The following CDH13 variants were observed in gnomAD, a reference collection of about 807,000 sequenced individuals.
CDH13 encodes the protein cadherin 13, also known as cadherin-13.
In CDH13, 24 loss-of-function variants were observed where a neutral mutation model predicts 63.8. The observed-to-expected ratio is 0.38, with a 90% CI of 0.27 to 0.53. The LOEUF is 0.53. Ranked by LOEUF, CDH13 falls within the 20% of genes least tolerant of loss-of-function variation. The pLI, the probability that CDH13 is intolerant of heterozygous loss-of-function variation, is 0.85. For missense variants in CDH13, 1,049 were observed against 903.1 expected (o/e 1.16, Z -2.07); for synonymous variants, 503 against 355.3 (o/e 1.42, Z -4.67).
At chr16:83,406,417 T>TCCG (rs2092046046) in intron 6 of CDH13, among the ~76,000 whole-genome samples, 1 of 144,280 alleles carries the variant, frequency 6.9e-6, no homozygotes, top group African/African-American at 2.6e-5. Context: ...TCTCTTTCTT[T>TCCG]CCCCCCCCGC....
At chr16:82,816,403 A>G (rs2037711952) in intron 1 of CDH13, among the ~76,000 whole-genome samples, 3 of 152,184 alleles carry the variant, frequency 2.0e-5, no homozygotes, top group African/African-American at 7.2e-5. Context: ...AGAGAGGAAA[A>G]TAAGTAAAAT....
intron 10 of CDH13, among the ~76,000 whole-genome samples, chr16:83,693,290 G>C (rs1905077274): frequency 6.6e-6 from 1 of 152,150 alleles, no homozygotes; most frequent in Admixed American, 6.5e-5. Context: ...GATGGATACA[G>C]AATAAAAGAA....
intron 7 of CDH13, among the ~76,000 whole-genome samples, chr16:83,492,414 C>A (rs1418600935): frequency 3.9e-5 from 6 of 152,104 alleles, no homozygotes; most frequent in Non-Finnish European, 4.4e-5. Flanking sequence ...TGGGTGGGAC[C>A]AGAATGATTC....
intron 2 of CDH13, among the ~76,000 whole-genome samples, chr16:82,900,449 A>G (rs1017105750): frequency 2.6e-5 from 4 of 152,198 alleles, no homozygotes; most frequent in Non-Finnish European, 5.9e-5. Context: ...CAGACAAGAC[A>G]GAAAGGAAAT....
chr16:83,332,287 C>T lies in CDH13; in HGVS notation c.637-12575C>T, dbSNP rs111563976. The stretch of plus-strand genomic sequence containing the variant: ...GAGCTCTAATGGTGGCTTAGAAGGG[C>T]CTTCTCCCCTGTATTACTTAAATAT... On this transcript the variant is annotated intron_variant, in intron 5 of 13. Coordinates refer to ENST00000567109, the MANE Select transcript of CDH13 (RefSeq NM_001257.5). Among the ~76,000 whole-genome samples, 5 of 152,080 alleles carry T rather than the reference C, an allele frequency of 3.3e-5. No individual in the cohort carries two copies. In the East Asian group the frequency reaches 9.6e-4, roughly 29 times the overall value.
intron 1 of CDH13, among the ~76,000 whole-genome samples, chr16:82,855,598 G>T (rs1214998344): frequency 6.6e-6 from 1 of 152,180 alleles, no homozygotes; most frequent in Non-Finnish European, 1.5e-5. Flanking sequence ...TCCTGTGTAT[G>T]TGCCACTTGG....
chr16:82,903,973 C>T (rs980904743), intron 2 of CDH13, among the ~76,000 whole-genome samples: 1 of 152,120 alleles, frequency 6.6e-6, no homozygotes. Flanking sequence ...TTTCTCTCTC[C>T]CTATTCTTCT....
intron 2 of CDH13, among the ~76,000 whole-genome samples, chr16:82,910,065 C>A (rs1296290283): frequency 1.3e-5 from 2 of 152,146 alleles, no homozygotes; most frequent in African/African-American, 4.8e-5. Flanking sequence ...CCAAAGTATA[C>A]AATTGCCGGT....
At chr16:83,682,921 C>T (rs1915523963) in intron 10 of CDH13, among the ~76,000 whole-genome samples, 1 of 152,190 alleles carries the variant, frequency 6.6e-6, no homozygotes, top group Non-Finnish European at 1.5e-5. Flanking sequence ...CATGGGAAGC[C>T]TTCTCCCCAA....
At chr16:82,973,170 C>G (rs1302651266) in intron 2 of CDH13, among the ~76,000 whole-genome samples, 2 of 152,226 alleles carry the variant, frequency 1.3e-5, no homozygotes, top group Non-Finnish European at 2.9e-5. Flanking sequence ...TGGGGTTTCT[C>G]TTCCCTTCTA....
At chr16:83,231,712 C>T (rs2151803418) in intron 5 of CDH13, among the ~76,000 whole-genome samples, 1 of 152,278 alleles carries the variant, frequency 6.6e-6, no homozygotes, top group Admixed American at 6.5e-5. Flanking sequence ...GCCAAAAGGA[C>T]TTACTCTGCC....
At chr16:82,770,479 A>G (rs1307160862) in intron 1 of CDH13, among the ~76,000 whole-genome samples, 2 of 152,124 alleles carry the variant, frequency 1.3e-5, no homozygotes, top group East Asian at 1.9e-4. Flanking sequence ...TAGTTTTTTT[A>G]TAGTTTGACT....
At chr16:83,659,317 A>C (rs1329050041) in intron 8 of CDH13, among the ~76,000 whole-genome samples, 1 of 143,678 alleles carries the variant, frequency 7.0e-6, no homozygotes, top group Non-Finnish European at 1.5e-5. Context: ...CTCACCAGCA[A>C]GGTCTCATGT....
chr16:82,658,860 G>A (rs58685808), intron 1 of CDH13, among the ~76,000 whole-genome samples: 11,316 of 152,210 alleles, frequency 0.074, 1,000 homozygotes, highest in East Asian at 0.25. Context: ...GGGTATGTAT[G>A]GAAGATTCTG....
intron 6 of CDH13, among the ~76,000 whole-genome samples, chr16:83,481,844 C>T (rs1034972840): frequency 2.6e-5 from 4 of 152,138 alleles, no homozygotes; most frequent in Non-Finnish European, 5.9e-5. Context: ...ATTACCCTTT[C>T]TCTGCTGTCT....
chr16:82,745,276 T>A (rs570196047), intron 1 of CDH13, among the ~76,000 whole-genome samples: 1 of 152,298 alleles, frequency 6.6e-6, no homozygotes, highest in Non-Finnish European at 1.5e-5. Context: ...CAAGCTTCAG[T>A]AGCCTTTCCC....
At chr16:83,561,601 A>T (rs545047645) in intron 7 of CDH13, among the ~76,000 whole-genome samples, 98 of 152,308 alleles carry the variant, frequency 6.4e-4, no homozygotes, top group African/African-American at 2.4e-3. Context: ...TGGTCTAAGC[A>T]CTTTACAGGT....
Position 83,172,715 on chromosome 16 carries a change from G to T in CDH13, c.484-44630G>T, listed in dbSNP as rs368407964. On this transcript the variant is annotated intron_variant, in intron 4 of 13. Transcript: ENST00000567109. ...GAGACAATCAATTTCTGTTGCTTAA[G>T]CCACCCAATCTACAGTACTTTGTCA... 4.6e-5 allele frequency among the ~76,000 whole-genome samples: 7 copies of T among 151,998 alleles called. No individual in the cohort carries two copies. The East Asian group carries it at 1.4e-3, about 29-fold the overall frequency.
intron 1 of CDH13, among the ~76,000 whole-genome samples, chr16:82,799,123 T>A (rs2036728630): frequency 6.6e-6 from 1 of 152,170 alleles, no homozygotes; most frequent in African/African-American, 2.4e-5. Context: ...GTCAATTATA[T>A]ATCCCCCTAA....
Sources: allele counts gnomAD v4.1 joint callset (sites outside exome capture counted in the v4.1 genomes callset), GRCh38; gene constraint gnomAD v4.1.1; transcripts MANE v1.5; gene names NCBI Gene and HGNC (gene_info 2026-07-23, HGNC 2026-07-21).